PUDP: variants seen among roughly 807,000 people sequenced by gnomAD.
The protein encoded by PUDP is pseudouridine 5'-phosphatase.
Under a neutral mutation model 9.4 loss-of-function variants are expected in PUDP, and 8 were observed. The ratio of observed to expected loss-of-function variants is 0.85; its 90% confidence interval spans 0.50 to 1.53. The LOEUF (loss-of-function observed/expected upper bound fraction) is 1.53. PUDP is among the 40% of genes most tolerant of loss of function. The probability of loss-of-function intolerance (pLI) is 0.00; values close to 1 mark genes in which losing one functional copy is unlikely to be tolerated. For missense variants in PUDP, 188 were observed against 189.7 expected (o/e 0.99, Z 0.05); for synonymous variants, 99 against 80.7 (o/e 1.23, Z -1.22).
chrX:7,041,876 T>A (rs1412377703), intron 1 of PUDP, among the ~76,000 whole-genome samples: 2 of 108,650 alleles, frequency 1.8e-5, no homozygotes, highest in African/African-American at 6.7e-5. Context: ...TCTTTTTTTT[T>A]TTTTTGAGAC....
chrX:6,804,624 G>A (rs912201066), intron 3 of PUDP, among the ~76,000 whole-genome samples: 5 of 111,399 alleles, frequency 4.5e-5, no homozygotes, highest in South Asian at 3.8e-4. Flanking sequence ...CAGGAAGCCC[G>A]GAGATGTGGA....
intron 3 of PUDP, among the ~76,000 whole-genome samples, chrX:6,929,825 C>T (rs1482248383): frequency 3.6e-5 from 4 of 111,647 alleles, no homozygotes; most frequent in Admixed American, 9.5e-5. Context: ...TAACTGGGTG[C>T]CCTGTGTTTT....
At chrX:6,745,209 G>A (rs903941056) in intron 3 of PUDP, among the ~76,000 whole-genome samples, 6 of 111,646 alleles carry the variant, frequency 5.4e-5, no homozygotes, top group African/African-American at 9.8e-5. Context: ...ATGCAGCTGC[G>A]CACTAACTGA....
chrX:6,881,977 CTTTT>C (rs34092299), intron 3 of PUDP, among the ~76,000 whole-genome samples: 3 of 94,976 alleles, frequency 3.2e-5, no homozygotes, highest in Non-Finnish European at 4.2e-5. Context: ...TTTTTTTTTA[CTTTT>C]TTTTTTTTTT....
At chrX:7,130,842 T>A (rs748004742) in intron 1 of PUDP, among the ~76,000 whole-genome samples, 1 of 111,654 alleles carries the variant, frequency 9.0e-6, no homozygotes, top group Admixed American at 9.5e-5. Flanking sequence ...GCTGAGATTG[T>A]GCCATTGCAT....
chrX:6,752,818 A>G (rs746519660), intron 3 of PUDP, among the ~76,000 whole-genome samples: 4 of 111,956 alleles, frequency 3.6e-5, no homozygotes, highest in Non-Finnish European at 7.5e-5. Context: ...TTGCTTAATC[A>G]TATGGTTGGT....
chrX:7,086,000 G>A (rs1252820880), intron 2 of PUDP, among the ~76,000 whole-genome samples: 2 of 112,079 alleles, frequency 1.8e-5, no homozygotes, highest in Non-Finnish European at 3.8e-5. Flanking sequence ...GCAGGAGCCT[G>A]ACTTCTATCA....
intron 1 of PUDP, among the ~76,000 whole-genome samples, chrX:7,037,430 A>G (rs962390942): frequency 1.8e-5 from 2 of 112,381 alleles, no homozygotes; most frequent in Admixed American, 9.4e-5. Flanking sequence ...TTCCAAAACC[A>G]GGACATGAAC....
intron 1 of PUDP, among the ~76,000 whole-genome samples, chrX:6,719,679 C>T (rs996309963): frequency 6.3e-5 from 7 of 111,926 alleles, no homozygotes; most frequent in African/African-American, 2.3e-4. Context: ...TCTGTATGTC[C>T]ACCTCTCCAA....
At chrX:6,708,799 G>A (rs996393105) in intron 1 of PUDP, among the ~76,000 whole-genome samples, 3 of 111,468 alleles carry the variant, frequency 2.7e-5, no homozygotes, top group Admixed American at 9.5e-5. Context: ...TCGTTTCTCC[G>A]AGAAGAACTG....
At chrX:7,095,228 G>C (rs1931540214) in intron 2 of PUDP, among the ~76,000 whole-genome samples, 1 of 112,364 alleles carries the variant, frequency 8.9e-6, no homozygotes, top group Non-Finnish European at 1.9e-5. Context: ...TTCGAGGCCA[G>C]CCTCCATAAT....
intron 3 of PUDP, among the ~76,000 whole-genome samples, chrX:6,853,445 T>TGG (rs1926858095): frequency 1.5e-5 from 1 of 67,405 alleles, no homozygotes; most frequent in Admixed American, 2.5e-4. Context: ...TTCCCCCCTT[T>TGG]TGTGTGTGTT....
intron 3 of PUDP, among the ~76,000 whole-genome samples, chrX:6,808,736 T>A (rs1160612882): frequency 8.9e-6 from 1 of 112,176 alleles, no homozygotes; most frequent in Non-Finnish European, 1.9e-5. Flanking sequence ...AGAAAGATCT[T>A]AAAATATAGA....
intron 3 of PUDP, among the ~76,000 whole-genome samples, chrX:6,830,848 A>G (rs886814534): frequency 1.8e-5 from 2 of 112,276 alleles, no homozygotes; most frequent in African/African-American, 6.5e-5. Context: ...CAACCACCCA[A>G]TGGGTTCTCC....
chrX:7,070,357 AG>A (rs1243006336), intron 3 of PUDP, among the ~76,000 whole-genome samples: 1 of 111,578 alleles, frequency 9.0e-6, no homozygotes, highest in African/African-American at 3.3e-5. Context: ...GATGGGTGAC[AG>A]GAGGAGGTGG....
chrX:6,792,056 G>T (rs1357625216), intron 3 of PUDP, among the ~76,000 whole-genome samples: 1 of 111,651 alleles, frequency 9.0e-6, no homozygotes, highest in Non-Finnish European at 1.9e-5. Flanking sequence ...TACTGCATTG[G>T]ATGAATGAGA....
At chrX:7,145,227 ACATAC>A (rs1932835935) in intron 1 of PUDP, among the ~76,000 whole-genome samples, 1 of 112,440 alleles carries the variant, frequency 8.9e-6, no homozygotes, top group Admixed American at 9.5e-5. Flanking sequence ...AGGTTACATA[ACATAC>A]ATCATCCAAA....
chrX:7,128,945 C>A (rs1480860266), intron 1 of PUDP, among the ~76,000 whole-genome samples: 1 of 110,821 alleles, frequency 9.0e-6, no homozygotes, highest in Non-Finnish European at 1.9e-5. Flanking sequence ...CAGCCCAAAC[C>A]CCCACGATGT....
intron 2 of PUDP, among the ~76,000 whole-genome samples, chrX:7,095,034 T>C (rs1433905781): frequency 1.8e-5 from 2 of 111,759 alleles, no homozygotes; most frequent in South Asian, 3.8e-4. Flanking sequence ...CCCCGAGCAC[T>C]GGGGACTTCT....
Sources: allele counts gnomAD v4.1 joint callset (sites outside exome capture counted in the v4.1 genomes callset), GRCh38; gene constraint gnomAD v4.1.1; transcripts MANE v1.5; gene names NCBI Gene and HGNC (gene_info 2026-07-23, HGNC 2026-07-21).